Variants in SERINC1 observed in about 807,000 individuals in gnomAD.
SERINC1 encodes the protein serine incorporator 1.
Under a neutral mutation model 52.9 loss-of-function variants are expected in SERINC1, and 38 were observed. The ratio of observed to expected loss-of-function variants is 0.72; its 90% confidence interval spans 0.55 to 0.94. The LOEUF (loss-of-function observed/expected upper bound fraction) is 0.94. Ranked by LOEUF, SERINC1 falls within the 40% of genes least tolerant of loss-of-function variation. The pLI is 0.00. For synonymous variants in SERINC1, 198 were observed against 183.1 expected (o/e 1.08, Z -0.66); for missense variants, 471 against 533.9 (o/e 0.88, Z 1.16).
intron 7 of SERINC1, 150 bp downstream of exon 7, chr6:122,451,514 G>T: frequency 3.5e-6 from 1 of 287,262 alleles, no homozygotes; most frequent in Non-Finnish European, 6.6e-6. Flanking sequence ...AAGAAACTAA[G>T]TGAAATAAAT....
At chr6:122,448,966 A>C (rs755524218) in intron 7 of SERINC1, among the ~76,000 whole-genome samples, 24 of 152,082 alleles carry the variant, frequency 1.6e-4, no homozygotes, top group Non-Finnish European at 2.9e-4. Context: ...ATTATTATTA[A>C]TTACATCTGT....
chr6:122,455,547 T>C (rs1233826020), intron 3 of SERINC1, among the ~76,000 whole-genome samples: 10 of 150,684 alleles, frequency 6.6e-5, no homozygotes, highest in Non-Finnish European at 1.2e-4. Flanking sequence ...AGCTTGCAGA[T>C]GGCCTATTGT....
At position 122,447,103 on chromosome 6, in the gene SERINC1, T is replaced by A. The variant is rs752909257; in HGVS notation, c.995+18A>T. On this transcript the variant is annotated intron_variant, in intron 8 of 9. Transcript: ENST00000339697. ...TAGACTTCTTGTTTAAAGAAAAAAATTCCATAGTTTTTCCTACCTGGAATA... is the reference window on the plus strand; with the variant it reads ...TAGACTTCTTGTTTAAAGAAAAAAAATCCATAGTTTTTCCTACCTGGAATA... 1.1e-5 allele frequency: 17 copies of A among 1,601,724 alleles called. No homozygotes were observed. Among genetic ancestry groups the A allele is most frequent in the Middle Eastern group, 3.3e-4 (2 of 6,022 alleles).
At chr6:122,457,912 C>G (rs1279673752) in intron 2 of SERINC1, among the ~76,000 whole-genome samples, 1 of 152,016 alleles carries the variant, frequency 6.6e-6, no homozygotes, top group African/African-American at 2.4e-5. Flanking sequence ...CTGACTCTCT[C>G]TAAAAATTTT....
chr6:122,451,776 A>AAAAAAATAT, intron 6 of SERINC1, 22 bp from the exon 7 acceptor site: 80 of 112,726 alleles, frequency 7.1e-4, no homozygotes, highest in Non-Finnish European at 8.5e-4. Flanking sequence ...AAAAAAAAAA[A>AAAAAAATAT]ATATATATAT....
chr6:122,467,585 C>T (rs771277077), intron 1 of SERINC1, among the ~76,000 whole-genome samples: 110 of 152,158 alleles, frequency 7.2e-4, no homozygotes, highest in South Asian at 1.9e-3. Flanking sequence ...CCAGCCTGGG[C>T]AATGCAGTGA....
chr6:122,471,570 G>A (rs544051126), intron 1 of SERINC1, 129 bp downstream of exon 1: 1 of 1,078,084 alleles, frequency 9.3e-7, no homozygotes, highest in Non-Finnish European at 1.4e-6. Context: ...GGAAGAAAAC[G>A]GGGACAGAGA....
chr6:122,460,804 A>G (rs1258549966), intron 1 of SERINC1, among the ~76,000 whole-genome samples: 1 of 152,208 alleles, frequency 6.6e-6, no homozygotes, highest in Non-Finnish European at 1.5e-5. Flanking sequence ...TAAATAGGGC[A>G]TTGTAGTATT....
chr6:122,451,246 A>G (rs1327286960), intron 7 of SERINC1, among the ~76,000 whole-genome samples: 1 of 152,234 alleles, frequency 6.6e-6, no homozygotes, highest in East Asian at 1.9e-4. Context: ...AAAGATTACA[A>G]CTTGATGAAG....
chr6:122,454,260 T>G (rs1331497621), intron 3 of SERINC1, 30 bp from the exon 4 acceptor site: 2 of 1,132,790 alleles, frequency 1.8e-6, no homozygotes. Context: ...AATTTTTTAT[T>G]AATAGACATT....
chr6:122,453,479 C>CTT (rs774283159), intron 5 of SERINC1, among the ~76,000 whole-genome samples: 36 of 151,582 alleles, frequency 2.4e-4, no homozygotes, highest in Non-Finnish European at 4.9e-4. Context: ...GAAAATTAGG[C>CTT]TATAAAGTGC....
chr6:122,469,342 T>A (rs969880218), intron 1 of SERINC1, among the ~76,000 whole-genome samples: 5 of 151,994 alleles, frequency 3.3e-5, no homozygotes, highest in Non-Finnish European at 5.9e-5. Flanking sequence ...ATTTAATGAT[T>A]TGAATGTTAC....
At position 122,470,874 on chromosome 6, in the gene SERINC1, G is replaced by A. The variant is rs1043176164; in HGVS notation, c.39+825C>T. ...ATGTTTTGCCTACTATTTTGGAGGG[G>A]GCAGAGATTATCTTAAATAAACTGA... is the stretch of plus-strand genomic sequence containing the variant. On this transcript the variant is annotated intron_variant, in intron 1 of 9. Coordinates refer to ENST00000339697, the MANE Select transcript of SERINC1 (RefSeq NM_020755.4). Among the ~76,000 whole-genome samples the A allele has an allele frequency of 4.0e-5, 6 of 151,824 alleles. No individual in the cohort carries two copies. The South Asian group carries it at 6.2e-4, about 16-fold the overall frequency.
intron 1 of SERINC1, among the ~76,000 whole-genome samples, chr6:122,462,087 C>A (rs551993466): frequency 6.6e-6 from 1 of 152,098 alleles, no homozygotes; most frequent in African/African-American, 2.4e-5. Context: ...TAAAAATCAA[C>A]CAATGACCTC....
intron 1 of SERINC1, among the ~76,000 whole-genome samples, chr6:122,466,241 AG>A (rs1363868196): frequency 6.6e-6 from 1 of 152,206 alleles, no homozygotes; most frequent in Non-Finnish European, 1.5e-5. Flanking sequence ...AAGCAAGACT[AG>A]GTGAAACAGA....
intron 1 of SERINC1, among the ~76,000 whole-genome samples, chr6:122,468,913 C>G (rs751680093): frequency 6.6e-6 from 1 of 152,074 alleles, no homozygotes; most frequent in East Asian, 1.9e-4. Flanking sequence ...AAAATCAATT[C>G]TGTCTACTCA....
At chr6:122,467,907 A>G (rs1775214246) in intron 1 of SERINC1, among the ~76,000 whole-genome samples, 1 of 152,192 alleles carries the variant, frequency 6.6e-6, no homozygotes, top group Non-Finnish European at 1.5e-5. Flanking sequence ...TTCGTCTTCC[A>G]TAGTTAGAAG....
intron 3 of SERINC1, among the ~76,000 whole-genome samples, chr6:122,455,907 A>C (rs993326589): frequency 6.6e-6 from 1 of 152,198 alleles, no homozygotes; most frequent in African/African-American, 2.4e-5. Context: ...CAAAGGAACA[A>C]AATAAAGGAA....
At chr6:122,454,125 C>A in intron 4 of SERINC1, 26 bp downstream of exon 4, 1 of 1,397,202 alleles carries the variant, frequency 7.2e-7, no homozygotes, top group South Asian at 1.3e-5. Context: ...ATATCAATGT[C>A]AAACAACTTA....
Sources: gnomAD v4.1 joint callset for allele counts (sites outside exome capture counted in the v4.1 genomes callset) on GRCh38, gnomAD v4.1.1 for gene constraint, MANE v1.5 for transcripts, NCBI Gene and HGNC (gene_info 2026-07-23, HGNC 2026-07-21) for gene names.